FRAS1: variants seen among roughly 807,000 people sequenced by gnomAD.
The protein encoded by FRAS1 is Fraser extracellular matrix complex subunit 1, also known as extracellular matrix organizing protein FRAS1.
Under a neutral mutation model 435.2 loss-of-function variants are expected in FRAS1, and 290 were observed. That is an observed-to-expected ratio of 0.67 (90% CI 0.61 to 0.73). The LOEUF (loss-of-function observed/expected upper bound fraction) is 0.73. FRAS1 is among the 30% of genes least tolerant of loss of function. The probability of loss-of-function intolerance (pLI) is 0.00; values close to 1 mark genes in which losing one functional copy is unlikely to be tolerated. For synonymous variants in FRAS1, 1,800 were observed against 1,851.0 expected (o/e 0.97, Z 0.71); for missense variants, 4,860 against 5,001.5 (o/e 0.97, Z 0.85).
intron 58 of FRAS1, among the ~76,000 whole-genome samples, chr4:78,486,830 ATT>A (rs67268640): frequency 0.42 from 51,917 of 122,908 alleles, 9,781 homozygotes; most frequent in Admixed American, 0.49. Context: ...CTCTCTCTCT[ATT>A]TTTTTTTTTT....
At chr4:78,480,528 G>A (rs553467143) in intron 56 of FRAS1, among the ~76,000 whole-genome samples, 1 of 152,254 alleles carries the variant, frequency 6.6e-6, no homozygotes, top group East Asian at 1.9e-4. Context: ...TTGTGAAAGG[G>A]GAGAATGTGA....
chr4:78,497,065 C>G (rs1720528990), intron 60 of FRAS1, 104 bp downstream of exon 60: 3 of 848,732 alleles, frequency 3.5e-6, no homozygotes, highest in African/African-American at 3.4e-5. Flanking sequence ...TTAAGAATGC[C>G]TACTGATAAC....
chr4:78,323,240 A>G (rs1729578308), intron 18 of FRAS1, among the ~76,000 whole-genome samples: 1 of 152,226 alleles, frequency 6.6e-6, no homozygotes. Context: ...TGCTAATTGT[A>G]AAAGATTGGA....
At chr4:78,058,587 T>A (rs987040657) in intron 1 of FRAS1, among the ~76,000 whole-genome samples, 1 of 152,214 alleles carries the variant, frequency 6.6e-6, no homozygotes, top group Non-Finnish European at 1.5e-5. Flanking sequence ...ACTAACTGGT[T>A]GGAGCGTGTT....
chr4:78,070,250 T>C lies in FRAS1; in HGVS notation c.108+4234T>C, dbSNP rs1216546655. On this transcript the variant is annotated intron_variant, in intron 2 of 73. Coordinates refer to ENST00000512123, the MANE Select transcript of FRAS1 (RefSeq NM_025074.7). ...GTTTATATATGTGTATATATGTATA[T>C]AAGTGTATATATATATATATATATA... Among the ~76,000 whole-genome samples the C allele has an allele frequency of 1.5e-4, 6 of 38,864 alleles. No individual in the cohort carries two copies. In the Admixed American group the frequency reaches 2.5e-3, roughly 16 times the overall value. The allele number at this position is 38,864 out of a possible 152,430, so 25.5% of individuals were successfully genotyped here. A position where few individuals can be genotyped will look rare whatever the true frequency, so the allele number is the denominator to read the frequency against.
intron 3 of FRAS1, 141 bp downstream of exon 3, chr4:78,237,758 C>T (rs1043206800): frequency 3.3e-5 from 15 of 459,276 alleles, no homozygotes; most frequent in African/African-American, 8.0e-5. Flanking sequence ...AGAATTTTAA[C>T]GTATTGCATC....
intron 2 of FRAS1, among the ~76,000 whole-genome samples, chr4:78,171,287 G>A (rs1312880309): frequency 6.6e-6 from 1 of 152,020 alleles, no homozygotes; most frequent in East Asian, 1.9e-4. Flanking sequence ...TCAGTAATTT[G>A]CCCAAGGCCA....
At chr4:78,126,185 G>A (rs757118768) in intron 2 of FRAS1, among the ~76,000 whole-genome samples, 19 of 152,116 alleles carry the variant, frequency 1.2e-4, no homozygotes, top group Middle Eastern at 3.2e-3. Flanking sequence ...GCAAGGCTCC[G>A]TGAGCATGGG....
intron 18 of FRAS1, among the ~76,000 whole-genome samples, chr4:78,326,837 C>T (rs1729738068): frequency 6.6e-6 from 1 of 152,048 alleles, no homozygotes; most frequent in Non-Finnish European, 1.5e-5. Flanking sequence ...AAGTATGATG[C>T]CAATGCTTTC....
chr4:78,286,881 T>G (rs761188616), intron 14 of FRAS1, among the ~76,000 whole-genome samples: 8 of 152,184 alleles, frequency 5.3e-5, no homozygotes, highest in Non-Finnish European at 1.2e-4. Flanking sequence ...ATTTAATTTG[T>G]TTGTTTATAC....
intron 2 of FRAS1, among the ~76,000 whole-genome samples, chr4:78,117,841 T>C (rs1473308665): frequency 1.3e-5 from 2 of 152,288 alleles, no homozygotes; most frequent in African/African-American, 2.4e-5. Context: ...ATCAAAGTCA[T>C]TCTCCGTCCA....
intron 2 of FRAS1, among the ~76,000 whole-genome samples, chr4:78,147,590 G>A (rs1720471181): frequency 6.6e-6 from 1 of 152,142 alleles, no homozygotes; most frequent in African/African-American, 2.4e-5. Flanking sequence ...AGGGCAAGTG[G>A]AAGCCTGTAA....
At position 78,225,678 on chromosome 4, in the gene FRAS1, T is replaced by C. The variant is rs565270304; in HGVS notation, c.109-11832T>C. On this transcript the variant is annotated intron_variant, in intron 2 of 73. Transcript: ENST00000512123. Reference sequence around the variant, plus strand: ...TCCACATTGCTTACCATGTGATAGATCCTCAGTAAATTCTTGATGCCTTGA... The same window carrying C: ...TCCACATTGCTTACCATGTGATAGACCCTCAGTAAATTCTTGATGCCTTGA... 7.2e-5 allele frequency among the ~76,000 whole-genome samples: 11 copies of C among 152,338 alleles called. No homozygotes were observed. The South Asian group carries it at 2.1e-3, about 29-fold the overall frequency.
chr4:78,432,705 T>C, intron 38 of FRAS1, 101 bp downstream of exon 38: 2 of 1,336,694 alleles, frequency 1.5e-6, no homozygotes, highest in Non-Finnish European at 2.0e-6. Flanking sequence ...GCAGCAGGTA[T>C]ATGGTCACGT....
At chr4:78,225,213 ATT>A (rs1724218886) in intron 2 of FRAS1, among the ~76,000 whole-genome samples, 1 of 152,032 alleles carries the variant, frequency 6.6e-6, no homozygotes, top group East Asian at 1.9e-4. Flanking sequence ...TCTAGGATTG[ATT>A]TTGTTATTTT....
intron 2 of FRAS1, among the ~76,000 whole-genome samples, chr4:78,193,204 A>G (rs1424741048): frequency 2.0e-5 from 3 of 152,164 alleles, no homozygotes; most frequent in Admixed American, 6.6e-5. Context: ...TATGTGGTCA[A>G]TTTTGGAATA....
At chr4:78,406,169 T>A (rs922390342) in intron 30 of FRAS1, among the ~76,000 whole-genome samples, 6 of 152,238 alleles carry the variant, frequency 3.9e-5, no homozygotes, top group Admixed American at 2.6e-4. Flanking sequence ...ATGACCAGCT[T>A]CATGATCAGA....
intron 26 of FRAS1, among the ~76,000 whole-genome samples, chr4:78,376,863 C>T (rs963960339): frequency 3.3e-5 from 5 of 151,958 alleles, no homozygotes; most frequent in Non-Finnish European, 7.4e-5. Context: ...CAGTAATGAA[C>T]GCCTGTAATC....
intron 9 of FRAS1, among the ~76,000 whole-genome samples, chr4:78,276,104 A>T (rs1727012127): frequency 1.3e-5 from 2 of 152,204 alleles, no homozygotes. Flanking sequence ...CAGTTGATCA[A>T]ATCAGCTACT....
Sources: allele counts gnomAD v4.1 joint callset (sites outside exome capture counted in the v4.1 genomes callset), GRCh38; gene constraint gnomAD v4.1.1; transcripts MANE v1.5; gene names NCBI Gene and HGNC (gene_info 2026-07-23, HGNC 2026-07-21).